The following ERG variants were observed in gnomAD, a reference collection of about 807,000 sequenced individuals.
ERG encodes ETS transcription factor ERG.
In ERG, 9 loss-of-function variants were observed where a neutral mutation model predicts 55.3. The ratio of observed to expected loss-of-function variants is 0.16; its 90% CI spans 0.10 to 0.28. The LOEUF (loss-of-function observed/expected upper bound fraction) is 0.28. ERG is among the 10% of genes least tolerant of loss of function. The pLI is 1.00. For missense variants in ERG, 434 were observed against 631.6 expected (o/e 0.69, Z 3.35); for synonymous variants, 223 against 237.3 (o/e 0.94, Z 0.55).
chr21:38,502,127 G>C (rs2059425565), upstream of ERG, among the ~76,000 whole-genome samples: 1 of 152,150 alleles, frequency 6.6e-6, no homozygotes, highest in Non-Finnish European at 1.5e-5. Flanking sequence ...CACATCTGTG[G>C]GGACACAACA....
chr21:38,466,671 C>G (rs1263993533), intron 1 of ERG, among the ~76,000 whole-genome samples: 1 of 152,092 alleles, frequency 6.6e-6, no homozygotes, highest in African/African-American at 2.4e-5. Flanking sequence ...ATAGTTATGA[C>G]AAACCAAACA....
Position 38,642,117 on chromosome 21 carries a change from T to C in ERG, c.-150+19541A>G, listed in dbSNP as rs545320921. Among the ~76,000 whole-genome samples, 9 of 152,370 alleles carry C rather than the reference T, an allele frequency of 5.9e-5. No individual in the cohort carries two copies. In the South Asian group the frequency reaches 8.3e-4, roughly 14 times the overall value. ...TAAAAGTAATGTGGCATTAAAAATATCATTAAGCATACCTATGAACATGGG... is the reference window on the plus strand; with the variant it reads ...TAAAAGTAATGTGGCATTAAAAATACCATTAAGCATACCTATGAACATGGG... On this transcript the variant is annotated intron_variant, in intron 1 of 10. Transcript: ENST00000398910.
intron 2 of ERG, among the ~76,000 whole-genome samples, chr21:38,540,677 C>T (rs2059745810): frequency 6.6e-6 from 1 of 152,116 alleles, no homozygotes. Flanking sequence ...GGCCTGAGAC[C>T]CCGCCTTCTG....
At chr21:38,610,585 A>G (rs574333310) in intron 1 of ERG, among the ~76,000 whole-genome samples, 3 of 152,332 alleles carry the variant, frequency 2.0e-5, no homozygotes, top group South Asian at 4.1e-4. Context: ...CAAAGTCTCA[A>G]TGAAAACTCA....
At chr21:38,648,524 C>T (rs1601352615) in intron 1 of ERG, among the ~76,000 whole-genome samples, 1 of 152,294 alleles carries the variant, frequency 6.6e-6, no homozygotes, top group East Asian at 1.9e-4. Context: ...TGAGGGCAGG[C>T]TTATGAATAA....
At chr21:38,378,067 TAA>T (rs1987289793), downstream of ERG, among the ~76,000 whole-genome samples, 1 of 152,172 alleles carries the variant, frequency 6.6e-6, no homozygotes, top group Non-Finnish European at 1.5e-5. Context: ...AGCCACAACA[TAA>T]TTCAATTTGG....
At chr21:38,612,663 CTTT>C (rs869196064) in intron 1 of ERG, among the ~76,000 whole-genome samples, 2 of 137,938 alleles carry the variant, frequency 1.4e-5, no homozygotes. Context: ...TTGACATTTC[CTTT>C]TTTTTTTTTT....
At chr21:38,474,435 C>T (rs1054003213) in intron 1 of ERG, among the ~76,000 whole-genome samples, 2 of 152,192 alleles carry the variant, frequency 1.3e-5, no homozygotes, top group African/African-American at 4.8e-5. Context: ...GATGAGTGCC[C>T]TGGAGAGAAC....
chr21:38,581,830 T>A lies in ERG; in HGVS notation c.-127+3014A>T, dbSNP rs138319154. Among the ~76,000 whole-genome samples the A allele has an allele frequency of 2.5e-3, 373 of 152,044 alleles. 5 individuals are homozygous for A. Among genetic ancestry groups the A allele is most frequent in the African/African-American group, 8.5e-3 (354 of 41,478 alleles). On this transcript the variant is annotated intron_variant, in intron 1 of 8. Transcript: ENST00000398897. ...AGGCCGAGGAGGGTGGATCACGAGG[T>A]CAGGAGATCGAGACCATCCTGGTTA...
the ERG span, chr21:38,367,723 A>G: frequency 2.1e-6 from 1 of 476,432 alleles, no homozygotes; most frequent in East Asian, 4.8e-5. Context: ...TATTAGAACA[A>G]GACAGAATTC....
At chr21:38,590,694 T>C (rs2060095297) in intron 1 of ERG, among the ~76,000 whole-genome samples, 1 of 152,180 alleles carries the variant, frequency 6.6e-6, no homozygotes, top group Non-Finnish European at 1.5e-5. Context: ...CATCCATGTA[T>C]TCATCCATCC....
At chr21:38,451,143 G>A (rs1569109250) in intron 1 of ERG, 2 of 488,900 alleles carry the variant, frequency 4.1e-6, no homozygotes, top group Non-Finnish European at 8.2e-6. Flanking sequence ...AGAGAGGCTG[G>A]TAGAGGGAAG....
chr21:38,643,005 C>G (rs1305600803), intron 1 of ERG, among the ~76,000 whole-genome samples: 4 of 152,194 alleles, frequency 2.6e-5, no homozygotes, highest in African/African-American at 9.7e-5. Context: ...TTTATGCCTA[C>G]TCTTTTCTTA....
At chr21:38,599,416 T>C (rs952343363) in intron 1 of ERG, among the ~76,000 whole-genome samples, 1 of 152,166 alleles carries the variant, frequency 6.6e-6, no homozygotes, top group Non-Finnish European at 1.5e-5. Flanking sequence ...TCCCATGCAT[T>C]CCATGAACAA....
At chr21:38,600,432 A>G (rs1313765120) in intron 1 of ERG, among the ~76,000 whole-genome samples, 1 of 152,210 alleles carries the variant, frequency 6.6e-6, no homozygotes, top group African/African-American at 2.4e-5. Context: ...GGACAGCTCC[A>G]GCCTAGTGTC....
At chr21:38,492,331 A>G (rs2059343379) in intron 1 of ERG, among the ~76,000 whole-genome samples, 1 of 152,240 alleles carries the variant, frequency 6.6e-6, no homozygotes, top group African/African-American at 2.4e-5. Context: ...TGAATTCAAG[A>G]TACTACAGCT....
At chr21:38,503,036 G>A (rs2059433031), upstream of ERG, among the ~76,000 whole-genome samples, 2 of 151,922 alleles carry the variant, frequency 1.3e-5, no homozygotes, top group Admixed American at 6.5e-5. Context: ...ATAACCTTTT[G>A]TAATAGTCAA....
chr21:38,501,621 G>A (rs888101317), upstream of ERG, among the ~76,000 whole-genome samples: 3 of 152,062 alleles, frequency 2.0e-5, no homozygotes, highest in African/African-American at 7.3e-5. Flanking sequence ...GGGGCAATCT[G>A]GCACACGGCC....
chr21:38,475,122 G>A (rs574495526), intron 1 of ERG, among the ~76,000 whole-genome samples: 9 of 152,172 alleles, frequency 5.9e-5, no homozygotes, highest in East Asian at 5.8e-4. Context: ...CCATAAACGC[G>A]GAACATAATG....
Sources: allele counts gnomAD v4.1 joint callset (sites outside exome capture counted in the v4.1 genomes callset), GRCh38; gene constraint gnomAD v4.1.1; transcripts MANE v1.5; gene names NCBI Gene and HGNC (gene_info 2026-07-23, HGNC 2026-07-21).